POLR1C: variants seen among roughly 807,000 people sequenced by gnomAD.
POLR1C encodes DNA-directed RNA polymerases I and III subunit RPAC1.
Under a neutral mutation model 38.3 loss-of-function variants are expected in POLR1C, and 42 were observed. The ratio of observed to expected loss-of-function variants is 1.10; its 90% CI spans 0.86 to 1.42. The LOEUF is 1.42. Among genes scored for constraint, POLR1C ranks in the 40% most tolerant of loss-of-function variants. The pLI, the probability that POLR1C is intolerant of heterozygous loss-of-function variation, is 0.00. For missense variants in POLR1C, 507 were observed against 450.5 expected (o/e 1.13, Z -1.14); for synonymous variants, 163 against 163.9 (o/e 0.99, Z 0.04).
chr6:43,526,605 C>T, intron 8 of POLR1C: 11 of 1,532,604 alleles, frequency 7.2e-6, no homozygotes, highest in Non-Finnish European at 9.9e-6. Context: ...CACCAGACTG[C>T]AAGGAAACTG....
At position 43,517,545 on chromosome 6, in the gene POLR1C, C is replaced by T. The variant is rs2227301; in HGVS notation, c.141+168C>T. Among the ~76,000 whole-genome samples, 27,019 of 151,750 alleles carry T rather than the reference C, an allele frequency of 0.18. 3,105 individuals carry two copies. The highest frequency in any genetic ancestry group is 0.24 in the South Asian group (1,171 of 4,780). ...AGGCCAAATTAGACACGGTTTCTAC[C>T]CAGTTCTGCAAAGATGTTCAGTCTT... On this transcript the variant is annotated intron_variant, in intron 2 of 8. Transcript: ENST00000642195.
At chr6:43,549,197 G>A (rs1466049992) in intron 9 of POLR1C, among the ~76,000 whole-genome samples, 1 of 152,040 alleles carries the variant, frequency 6.6e-6, no homozygotes, top group Admixed American at 6.6e-5. Flanking sequence ...GACTAGCTGG[G>A]ATTACAGGCA....
Position 43,521,426 on chromosome 6 carries a change from A to G in POLR1C, c.*126A>G. The G allele has an allele frequency of 6.4e-7, 1 of 1,567,530 alleles. No individual in the cohort carries two copies. Among genetic ancestry groups the G allele is most frequent in the South Asian group, 1.1e-5 (1 of 86,966 alleles). On this transcript the variant is annotated 3_prime_UTR_variant, in exon 9 of 9. Transcript: ENST00000642195. ...TTCTGGGACAATTCCAGCTTTAATC[A>G]ATACATTTTGTTAAATGTGCCATAA...
downstream of POLR1C, chr6:43,531,675 T>G: frequency 1.0e-6 from 1 of 990,168 alleles, no homozygotes; most frequent in Non-Finnish European, 1.6e-6. Context: ...GGTGAAGATG[T>G]GTGCATGTCT....
chr6:43,524,098 C>T (rs1793378112), downstream of POLR1C: 1 of 1,514,936 alleles, frequency 6.6e-7, no homozygotes, highest in East Asian at 2.4e-5. Flanking sequence ...CGCCTGTAAT[C>T]CCAACACTTT....
intron 10 of POLR1C, among the ~76,000 whole-genome samples, chr6:43,554,736 T>C (rs1014285552): frequency 2.6e-5 from 4 of 152,152 alleles, no homozygotes; most frequent in African/African-American, 9.7e-5. Flanking sequence ...GATTTACCAA[T>C]TGCTTTTCTT....
chr6:43,529,130 A>G, intron 8 of POLR1C: 1 of 1,203,288 alleles, frequency 8.3e-7, no homozygotes, highest in Non-Finnish European at 1.2e-6. Context: ...CTCTTAGTTT[A>G]GCTGCATTTC....
At chr6:43,520,848 C>T in intron 7 of POLR1C, 74 bp downstream of exon 7, 2 of 1,599,690 alleles carry the variant, frequency 1.3e-6, no homozygotes, top group Non-Finnish European at 1.7e-6. Flanking sequence ...AATAAAAACC[C>T]TGGGCTCCTA....
At chr6:43,559,827 T>TC (rs1762311620) in intron 10 of POLR1C, among the ~76,000 whole-genome samples, 1 of 152,112 alleles carries the variant, frequency 6.6e-6, no homozygotes, top group South Asian at 2.1e-4. Flanking sequence ...TTTTTATGTT[T>TC]CCCCCGAGAC....
At position 43,521,210 on chromosome 6, in the gene POLR1C, A is replaced by G. The variant is rs1793166600; in HGVS notation, c.951A>G (p.Pro317=). Residue 317 remains proline, a synonymous_variant, in exon 9 of 9, where the codon CCA becomes CCG. Transcript: ENST00000642195. ...IFSVESTGVL[P]PDVLVSEAIK... The stretch of plus-strand genomic sequence containing the variant: ...CTGTTGAGTCAACGGGGGTGTTGCC[A>G]CCAGATGTGCTGGTGAGTGAAGCCA... 1 of 1,613,984 alleles carries G rather than the reference A, an allele frequency of 6.2e-7. No individual in the cohort carries two copies. Among genetic ancestry groups the G allele is most frequent in the African/African-American group, 1.3e-5 (1 of 74,932 alleles).
intron 10 of POLR1C, chr6:43,551,502 A>G (rs767914427): frequency 1.3e-6 from 2 of 1,597,072 alleles, no homozygotes; most frequent in Non-Finnish European, 1.7e-6. Context: ...TCCACTTAGA[A>G]ATAACCATTT....
intron 2 of POLR1C, among the ~76,000 whole-genome samples, chr6:43,518,963 A>T (rs1000776960): frequency 6.6e-6 from 1 of 152,158 alleles, no homozygotes; most frequent in African/African-American, 2.4e-5. Flanking sequence ...TACAGGTGTG[A>T]GTGACTGTGC....
At chr6:43,561,684 AAT>A (rs1223218383) in exon 11 of POLR1C, 1 of 153,078 alleles carries the variant, frequency 6.5e-6, no homozygotes, top group African/African-American at 2.4e-5. Flanking sequence ...TGGCCCCCTC[AAT>A]GGTTGCTTAT....
At chr6:43,522,017 A>G (rs1793219126), downstream of POLR1C, among the ~76,000 whole-genome samples, 2 of 152,354 alleles carry the variant, frequency 1.3e-5, no homozygotes, top group South Asian at 4.1e-4. Context: ...GCTAGAGTGA[A>G]TGTGCCACTT....
At chr6:43,526,905 T>C (rs757161025) in intron 8 of POLR1C, 6 of 693,008 alleles carry the variant, frequency 8.7e-6, no homozygotes, top group South Asian at 1.7e-5. Context: ...CCAATAGAAA[T>C]AGAGGCATTC....
chr6:43,547,861 A>G (rs999062075), intron 9 of POLR1C, among the ~76,000 whole-genome samples: 2 of 152,234 alleles, frequency 1.3e-5, no homozygotes, highest in South Asian at 2.1e-4. Context: ...TGTCATTTGA[A>G]GGTTTAAATT....
chr6:43,529,217 A>G, intron 8 of POLR1C: 1 of 1,409,678 alleles, frequency 7.1e-7, no homozygotes, highest in Non-Finnish European at 9.5e-7. Context: ...CTTGTAACAA[A>G]CTCTCCTTCA....
chr6:43,525,289 G>T, downstream of POLR1C: 14 of 1,385,686 alleles, frequency 1.0e-5, no homozygotes, highest in African/African-American at 1.5e-5. Context: ...CACATCAGGA[G>T]CCGGAGGGTT....
downstream of POLR1C, chr6:43,525,022 C>T: frequency 6.3e-7 from 1 of 1,596,020 alleles, no homozygotes; most frequent in Non-Finnish European, 8.5e-7. Flanking sequence ...AAGGCCTCAG[C>T]ACCCCAGTTC....
Sources: allele counts gnomAD v4.1 joint callset (sites outside exome capture counted in the v4.1 genomes callset), GRCh38; gene constraint gnomAD v4.1.1; transcripts MANE v1.5; gene names NCBI Gene and HGNC (gene_info 2026-07-23, HGNC 2026-07-21).